KLRG1: variants seen among roughly 807,000 people sequenced by gnomAD.
KLRG1 encodes killer cell lectin-like receptor subfamily G member 1.
In KLRG1, 16 loss-of-function variants were observed where a neutral mutation model predicts 21.8. The ratio of observed to expected loss-of-function variants is 0.73; its 90% CI spans 0.50 to 1.11. The LOEUF is 1.11. KLRG1 is among the 50% of genes most tolerant of loss of function. The pLI, the probability that KLRG1 is intolerant of heterozygous loss-of-function variation, is 0.00. For missense variants in KLRG1, 173 were observed against 218.3 expected (o/e 0.79, Z 1.31); for synonymous variants, 69 against 75.9 (o/e 0.91, Z 0.47).
the KLRG1 span, chr12:9,116,070 G>C: frequency 1.9e-6 from 1 of 536,454 alleles, no homozygotes; most frequent in Non-Finnish European, 3.5e-6. Flanking sequence ...AATTCCTGGC[G>C]GGCTAAATAG....
chr12:9,089,845 T>C, the KLRG1 span: 1 of 1,106,672 alleles, frequency 9.0e-7, no homozygotes, highest in Non-Finnish European at 1.3e-6. Flanking sequence ...TATATTATTA[T>C]ATTACCCACA....
At chr12:9,163,937 A>G in the KLRG1 span, 1 of 1,248,924 alleles carries the variant, frequency 8.0e-7, no homozygotes, top group Non-Finnish European at 1.1e-6. Flanking sequence ...TAAGTAGCCA[A>G]TGTCCAAGAT....
the KLRG1 span, among the ~76,000 whole-genome samples, chr12:9,021,403 CTTTT>C: frequency 7.3e-6 from 1 of 137,780 alleles, no homozygotes. Context: ...CTTTTTTACT[CTTTT>C]TTTTTTTTTT....
chr12:9,202,876 T>G, the KLRG1 span, among the ~76,000 whole-genome samples: 27 of 152,310 alleles, frequency 1.8e-4, no homozygotes, highest in African/African-American at 6.5e-4. Flanking sequence ...TGGCCATCAA[T>G]AGAACCCAGA....
the KLRG1 span, among the ~76,000 whole-genome samples, chr12:9,116,678 G>A: frequency 1.3e-5 from 2 of 152,012 alleles, no homozygotes; most frequent in African/African-American, 4.8e-5. Flanking sequence ...ATCCACCCAT[G>A]CATTTATTCA....
At chr12:9,081,395 A>G in the KLRG1 span, among the ~76,000 whole-genome samples, 1 of 152,220 alleles carries the variant, frequency 6.6e-6, no homozygotes, top group Non-Finnish European at 1.5e-5. Flanking sequence ...CATTTAGGTA[A>G]TAAAGAGGAG....
the KLRG1 span, among the ~76,000 whole-genome samples, chr12:9,138,613 G>A: frequency 7.2e-5 from 11 of 151,930 alleles, no homozygotes; most frequent in African/African-American, 2.4e-4. Flanking sequence ...ATCTACCTGT[G>A]AAGCTATCTG....
chr12:8,992,978 A>C (rs1947018712), intron 2 of KLRG1, among the ~76,000 whole-genome samples: 1 of 152,006 alleles, frequency 6.6e-6, no homozygotes, highest in South Asian at 2.1e-4. Context: ...GTTGCCAGAA[A>C]CATTTCCTTA....
At chr12:9,161,800 A>T in the KLRG1 span, among the ~76,000 whole-genome samples, 1 of 152,210 alleles carries the variant, frequency 6.6e-6, no homozygotes, top group Non-Finnish European at 1.5e-5. Context: ...CTTCTTAATG[A>T]TATGATGAAC....
the KLRG1 span, among the ~76,000 whole-genome samples, chr12:9,113,080 T>C: frequency 6.7e-6 from 1 of 148,248 alleles, no homozygotes; most frequent in Non-Finnish European, 1.5e-5. Context: ...ATTTTTTCCA[T>C]CTTAATTTTA....
At chr12:9,060,656 A>G in the KLRG1 span, among the ~76,000 whole-genome samples, 3 of 152,176 alleles carry the variant, frequency 2.0e-5, no homozygotes, top group Non-Finnish European at 4.4e-5. Flanking sequence ...GAAAACAAAA[A>G]ACAAAAAACG....
At chr12:9,151,724 G>T in the KLRG1 span, 4 of 1,439,000 alleles carry the variant, frequency 2.8e-6, no homozygotes, top group Middle Eastern at 1.8e-4. Flanking sequence ...ATGTGAGAAT[G>T]GTGTGAGATC....
the KLRG1 span, chr12:9,165,257 G>C: frequency 6.2e-7 from 1 of 1,614,084 alleles, no homozygotes; most frequent in African/African-American, 1.3e-5. Flanking sequence ...TCGGAGAGAG[G>C]CAGTGGAAGA....
At chr12:9,169,590 AC>A in the KLRG1 span, 1 of 1,603,526 alleles carries the variant, frequency 6.2e-7, no homozygotes, top group Admixed American at 1.7e-5. Flanking sequence ...CAGATTATAT[AC>A]CTGTAGCAGT....
At chr12:8,995,415 ACTATATTCTTCCCCTTCC>A in intron 3 of KLRG1, 127 bp downstream of exon 3, 1 of 791,210 alleles carries the variant, frequency 1.3e-6, no homozygotes, top group South Asian at 1.9e-5. Flanking sequence ...TGGGGGGGAT[ACTATATTCTTCCCCTTCC>A]CTCTTCTTCT....
the KLRG1 span, among the ~76,000 whole-genome samples, chr12:9,190,288 T>C: frequency 2.0e-5 from 3 of 152,124 alleles, no homozygotes; most frequent in African/African-American, 7.2e-5. Flanking sequence ...GAAAATGTGG[T>C]ACATACACAC....
At chr12:8,952,367 T>A (rs776021262) in intron 1 of KLRG1, among the ~76,000 whole-genome samples, 6 of 152,248 alleles carry the variant, frequency 3.9e-5, no homozygotes, top group Non-Finnish European at 7.3e-5. Flanking sequence ...AATCTTTGTA[T>A]TTTTTGTAGA....
At chr12:9,140,608 T>C in the KLRG1 span, among the ~76,000 whole-genome samples, 5 of 152,236 alleles carry the variant, frequency 3.3e-5, no homozygotes, top group Non-Finnish European at 7.3e-5. Context: ...CTGGCATTGA[T>C]GGAATTTTGT....
intron 1 of KLRG1, among the ~76,000 whole-genome samples, chr12:8,958,326 G>C (rs1565535061): frequency 6.6e-6 from 1 of 150,672 alleles, no homozygotes; most frequent in Admixed American, 6.6e-5. Flanking sequence ...AATTGCGTCA[G>C]AGCTTTGTTG....
Sources: gnomAD v4.1 joint callset for allele counts (sites outside exome capture counted in the v4.1 genomes callset) on GRCh38, gnomAD v4.1.1 for gene constraint, MANE v1.5 for transcripts, NCBI Gene and HGNC (gene_info 2026-07-23, HGNC 2026-07-21) for gene names.